Variants in ABCC8 observed in about 807,000 individuals in gnomAD.
The protein encoded by ABCC8 is ATP binding cassette subfamily C member 8.
ABCC8 carries 137 observed loss-of-function variants against 188.0 expected under a neutral mutation model. The ratio of observed to expected loss-of-function variants is 0.73; its 90% CI spans 0.63 to 0.84. The LOEUF (loss-of-function observed/expected upper bound fraction) is 0.84. ABCC8 is among the 40% of genes least tolerant of loss of function. The pLI is 0.00. For synonymous variants in ABCC8, 797 were observed against 846.5 expected (o/e 0.94, Z 1.01); for missense variants, 1,750 against 2,072.7 (o/e 0.84, Z 3.02).
intron 7 of ABCC8, among the ~76,000 whole-genome samples, chr11:17,450,128 C>A (rs892165511): frequency 6.6e-6 from 1 of 152,152 alleles, no homozygotes; most frequent in Non-Finnish European, 1.5e-5. Flanking sequence ...ATGCACAAAG[C>A]GTGGTTATTC....
chr11:17,464,433 C>A (rs1487490629), intron 3 of ABCC8, among the ~76,000 whole-genome samples: 1 of 152,176 alleles, frequency 6.6e-6, no homozygotes, highest in Non-Finnish European at 1.5e-5. Context: ...GGGCTCAGAG[C>A]CTGTGACATA....
intron 8 of ABCC8, among the ~76,000 whole-genome samples, chr11:17,445,280 C>T (rs1403962909): frequency 6.6e-6 from 1 of 152,190 alleles, no homozygotes; most frequent in Non-Finnish European, 1.5e-5. Flanking sequence ...GTTTCACTAG[C>T]CTTTCAAAAG....
In ABCC8 at chr11:17,396,985, G is replaced by A. The variant is rs753002396; in HGVS notation, c.4050C>T (p.Ser1350=). Residue 1350 remains serine (S), a synonymous_variant, in exon 33 of 39, where the codon AGC becomes AGT. Coordinates refer to ENST00000389817, the MANE Select transcript of ABCC8 (RefSeq NM_000352.6). Reference sequence around the variant, plus strand: ...GCTTCAGGGAGCTGTCGTAGCGCACGCTCAGGTTCTGGATCTGGATCTTCC... The same window carrying A: ...GCTTCAGGGAGCTGTCGTAGCGCACACTCAGGTTCTGGATCTGGATCTTCC... The part of the protein sequence containing the change: ...DQGKIQIQNL[S]VRYDSSLKPV... 3.7e-6 allele frequency: 6 copies of A among 1,614,216 alleles called. No individual in the cohort carries two copies. The highest frequency in any genetic ancestry group is 3.3e-5 in the South Asian group (3 of 91,086).
chr11:17,416,405 ACTTT>A (rs1328619420), intron 17 of ABCC8, among the ~76,000 whole-genome samples: 1 of 151,890 alleles, frequency 6.6e-6, no homozygotes, highest in African/African-American at 2.4e-5. Flanking sequence ...ATATTTCTTA[ACTTT>A]CTTTTCCATG....
intron 22 of ABCC8, chr11:17,410,264 G>A (rs1591754206): frequency 6.0e-6 from 3 of 498,100 alleles, no homozygotes; most frequent in South Asian, 5.6e-5. Flanking sequence ...ACTTCTTGGT[G>A]CCAGCCTTGA....
chr11:17,403,089 C>T (rs1415280013), intron 28 of ABCC8, among the ~76,000 whole-genome samples: 1 of 152,214 alleles, frequency 6.6e-6, no homozygotes, highest in African/African-American at 2.4e-5. Flanking sequence ...AGTGCTAGTT[C>T]CATTTTACAG....
At position 17,414,565 on chromosome 11, in the gene ABCC8, T is replaced by C; in HGVS notation, c.2337A>G (p.Leu779=). Residue 779 remains leucine, a synonymous_variant, in exon 19 of 39, where the codon CTA becomes CTG. Coordinates refer to ENST00000389817, the MANE Select transcript of ABCC8 (RefSeq NM_000352.6). ...VAYASQKPWL[L]NATVEENIIF... ...TGATGTTCTCCTCCACAGTGGCATT[T>C]AGCAGCCATGGTTTCTGCGAAGCAT... is the stretch of plus-strand genomic sequence containing the variant. 6.2e-7 allele frequency: 1 copy of C among 1,614,234 alleles called. No homozygotes were observed. Among genetic ancestry groups the C allele is most frequent in the Non-Finnish European group, 8.5e-7 (1 of 1,180,038 alleles).
chr11:17,398,314 C>T, intron 30 of ABCC8, 25 bp downstream of exon 30: 4 of 1,613,742 alleles, frequency 2.5e-6, no homozygotes, highest in Non-Finnish European at 3.4e-6. Context: ...TATCAGAGGC[C>T]AGGGTAGAGG....
Position 17,404,674 on chromosome 11 carries a change from G to C in ABCC8, c.3400-5C>G. 6.2e-7 allele frequency: 1 copy of C among 1,601,540 alleles called. No individual in the cohort carries two copies. Among genetic ancestry groups the C allele is most frequent in the Non-Finnish European group, 8.5e-7 (1 of 1,174,328 alleles). On this transcript the variant is annotated splice_polypyrimidine_tract_variant and splice_region_variant and intron_variant, in intron 27 of 38. Coordinates refer to ENST00000389817, the MANE Select transcript of ABCC8 (RefSeq NM_000352.6). The surrounding 1 kb of genome is among the most constrained non-coding windows in gnomAD (Gnocchi z 4.7). ...CTCCAGCGTGGATGGGATGTGCTGA[G>C]GGAGACGAGGGGGAGAGAGTGAGGT...
chr11:17,472,852 C>T (rs933550245), intron 2 of ABCC8, among the ~76,000 whole-genome samples: 7 of 152,134 alleles, frequency 4.6e-5, no homozygotes, highest in African/African-American at 9.7e-5. Context: ...TGTCCATGCT[C>T]GAATTTCACC....
chr11:17,430,988 G>A, intron 11 of ABCC8, 29 bp from the exon 12 acceptor site: 5 of 1,610,796 alleles, frequency 3.1e-6, no homozygotes, highest in Non-Finnish European at 4.2e-6. Flanking sequence ...GTGAGGCCAG[G>A]GTGGCCCAGG....
intron 10 of ABCC8, among the ~76,000 whole-genome samples, chr11:17,434,327 A>G (rs926005918): frequency 3.3e-5 from 5 of 152,246 alleles, no homozygotes; most frequent in Non-Finnish European, 7.3e-5. Flanking sequence ...ATAAATTGCT[A>G]CAACGCTCTT....
rs2133488204 is a variant in ABCC8 at position 17,416,972 on chromosome 11, C to A, written c.2223-10G>T. 6.2e-7 allele frequency: 1 copy of A among 1,613,976 alleles called. No homozygotes were observed. The highest frequency in any genetic ancestry group is 8.5e-7 in the Non-Finnish European group (1 of 1,180,002). Reference sequence around the variant, plus strand: ...CTCGCTGTCAGGAAGGCTGCTGGGACACAAATGGGACAGACCAACACCAGT... The same window carrying A: ...CTCGCTGTCAGGAAGGCTGCTGGGAAACAAATGGGACAGACCAACACCAGT... On this transcript the variant is annotated splice_polypyrimidine_tract_variant and intron_variant, in intron 16 of 38. Coordinates refer to ENST00000389817, the MANE Select transcript of ABCC8 (RefSeq NM_000352.6).
At chr11:17,425,164 A>G (rs1357422005) in intron 16 of ABCC8, among the ~76,000 whole-genome samples, 1 of 152,180 alleles carries the variant, frequency 6.6e-6, no homozygotes, top group Non-Finnish European at 1.5e-5. Context: ...GGCTATGTTG[A>G]AAAATCTCCC....
At chr11:17,470,033 A>G in intron 3 of ABCC8, 68 bp downstream of exon 3, 1 of 1,562,094 alleles carries the variant, frequency 6.4e-7, no homozygotes, top group South Asian at 1.1e-5. Context: ...GCACATAATG[A>G]GTCCTCAGTA....
In ABCC8 at chr11:17,406,967, G is replaced by A; in HGVS notation, c.3083C>T (p.Ala1028Val). The change falls in exon 25 of 39, where the codon GCC (alanine) becomes GTC (valine). Residue 1028 changes from alanine (A) to valine (V), a missense_variant. Physicochemically the swap from Ala to Val is moderately conservative, Grantham distance 64 (BLOSUM62 0). Coordinates refer to ENST00000389817, the MANE Select transcript of ABCC8 (RefSeq NM_000352.6). ...SQLLKHMVLV[A>V]IDYWLAKWTD... is the part of the protein sequence containing the mutation. ...CCACTTGGCCAGCCAGTAGTCGATGGCCACCAGGACCATGTGCTTGAGCAG... is the reference window on the plus strand; with the variant it reads ...CCACTTGGCCAGCCAGTAGTCGATGACCACCAGGACCATGTGCTTGAGCAG... The A allele has an allele frequency of 1.2e-6, 2 of 1,614,176 alleles. No homozygotes were observed. Among genetic ancestry groups the A allele is most frequent in the South Asian group, 1.1e-5 (1 of 91,090 alleles).
intron 29 of ABCC8, chr11:17,398,986 C>T (rs533060770): frequency 3.0e-5 from 5 of 166,070 alleles, no homozygotes; most frequent in East Asian, 1.6e-4. Flanking sequence ...TAATGATCTC[C>T]GGCCGGATGC....
intron 14 of ABCC8, 98 bp from the exon 15 acceptor site, chr11:17,428,040 A>G (rs977603181): frequency 3.8e-6 from 6 of 1,585,718 alleles, no homozygotes; most frequent in Admixed American, 1.8e-5. Flanking sequence ...AAGCCAAAAG[A>G]CACTGATTCC....
rs575833409 is a variant in ABCC8, at chr11:17,433,826, G to A, written c.1631-1582C>T. ...GCAGATGGCGAATTTCTCTGCCCGTGAGGCTTTTAATCAATACCAACATCA... is the reference window on the plus strand; with the variant it reads ...GCAGATGGCGAATTTCTCTGCCCGTAAGGCTTTTAATCAATACCAACATCA... On this transcript the variant is annotated intron_variant, in intron 10 of 38. Coordinates refer to ENST00000389817, the MANE Select transcript of ABCC8 (RefSeq NM_000352.6). Among the ~76,000 whole-genome samples the A allele has an allele frequency of 2.0e-4, 30 of 152,320 alleles. No individual in the cohort carries two copies. The South Asian group carries it at 6.0e-3, about 31-fold the overall frequency.
Sources: gnomAD v4.1 joint callset for allele counts (sites outside exome capture counted in the v4.1 genomes callset) on GRCh38, gnomAD v4.1.1 for gene constraint, Gnocchi (gnomAD v3.1) non-coding constraint, MANE v1.5 for transcripts, NCBI Gene and HGNC (gene_info 2026-07-23, HGNC 2026-07-21) for gene names.